Variants in MIPEP observed in about 807,000 individuals in gnomAD.
MIPEP encodes mitochondrial intermediate peptidase.
A neutral mutation model predicts 90.3 loss-of-function variants in MIPEP; 79 were observed. The ratio of observed to expected loss-of-function variants is 0.87; its 90% CI spans 0.73 to 1.05. The LOEUF is 1.05. MIPEP is among the 50% of genes least tolerant of loss of function. The pLI is 0.00. For missense variants in MIPEP, 940 were observed against 905.6 expected, an observed-to-expected ratio of 1.04 and a Z score of -0.49; for synonymous variants, 334 against 315.8, an observed-to-expected ratio of 1.06 and a Z score of -0.61.
At chr13:23,822,103 T>C (rs1953313256) in intron 14 of MIPEP, among the ~76,000 whole-genome samples, 1 of 152,188 alleles carries the variant, frequency 6.6e-6, no homozygotes, top group Admixed American at 6.5e-5. Context: ...GTAACAGTGG[T>C]ATTTCAAAAG....
chr13:23,848,070 T>C (rs909523773), intron 10 of MIPEP, among the ~76,000 whole-genome samples: 2 of 152,222 alleles, frequency 1.3e-5, no homozygotes, highest in African/African-American at 2.4e-5. Context: ...TTGAAAATAC[T>C]ATTTCTCATT....
Position 23,889,117 on chromosome 13 carries a change from T to C in MIPEP, c.189+15A>G. On this transcript the variant is annotated intron_variant, in intron 1 of 18. Transcript: ENST00000382172. ...TAGCTCGGGGACTGAGGGGAGCTCCTCCTGCGCCGCTCACCCGGCGCTCGC... is the reference window on the plus strand; with the variant it reads ...TAGCTCGGGGACTGAGGGGAGCTCCCCCTGCGCCGCTCACCCGGCGCTCGC... 1 of 1,407,808 alleles carries C rather than the reference T, an allele frequency of 7.1e-7. No individual in the cohort carries two copies. The highest frequency in any genetic ancestry group is 9.2e-7 in the Non-Finnish European group (1 of 1,084,306). The allele number at this position is 1,407,808 out of a possible 1,614,324, so 87.2% of individuals were successfully genotyped here. A position where few individuals can be genotyped will look rare whatever the true frequency, so the allele number is the denominator to read the frequency against.
intron 13 of MIPEP, 82 bp from the exon 14 acceptor site, chr13:23,836,431 T>C: frequency 1.5e-6 from 1 of 647,326 alleles, no homozygotes; most frequent in Non-Finnish European, 2.5e-6. Context: ...AAAACTTTTA[T>C]TTGTACTTCT....
intron 5 of MIPEP, among the ~76,000 whole-genome samples, chr13:23,871,478 T>C (rs766559740): frequency 1.2e-4 from 18 of 152,210 alleles, no homozygotes; most frequent in Non-Finnish European, 2.2e-4. Context: ...TTTCAGTTAC[T>C]GGTTACCAAA....
intron 10 of MIPEP, among the ~76,000 whole-genome samples, chr13:23,843,304 G>A (rs1341086517): frequency 1.3e-5 from 2 of 152,074 alleles, no homozygotes; most frequent in African/African-American, 2.4e-5. Context: ...GAAAGAATGG[G>A]AGCGGAGTCT....
chr13:23,780,690 A>G (rs1005403910), intron 16 of MIPEP, among the ~76,000 whole-genome samples: 3 of 152,214 alleles, frequency 2.0e-5, no homozygotes, highest in Admixed American at 2.0e-4. Flanking sequence ...CATTGCAAAG[A>G]AGCTAAAAAC....
intron 7 of MIPEP, among the ~76,000 whole-genome samples, chr13:23,866,148 G>A (rs1349005426): frequency 6.6e-6 from 1 of 152,072 alleles, no homozygotes; most frequent in African/African-American, 2.4e-5. Context: ...CACTGTGCAT[G>A]ACAGTTTCAT....
rs562175138 is a variant in MIPEP, at chr13:23,809,017, AGAG to A, written c.1728+830_1728+832del. Among the ~76,000 whole-genome samples the A allele has an allele frequency of 2.9e-4, 44 of 152,340 alleles. No homozygotes were observed. The East Asian group carries it at 8.1e-3, about 28-fold the overall frequency. On this transcript the variant is annotated intron_variant, in intron 15 of 18. Transcript: ENST00000382172. ...TGTTTACATAACTCTCAAGATCTGA[AGAG>A]GAGTGAGAATTCCATAACAATCTCA... is the stretch of plus-strand genomic sequence containing the variant.
rs1593177636 is a variant in MIPEP at position 23,829,694 on chromosome 13, C to T, written c.1653+6546G>A. On this transcript the variant is annotated intron_variant, in intron 14 of 18. Transcript: ENST00000382172. ...TAGTGGCACATGACTGTAGTCCCAG[C>T]TACTTGGGTGGCTGAGGCAGGAGGA... 2.0e-5 allele frequency among the ~76,000 whole-genome samples: 3 copies of T among 152,226 alleles called. 1 individual carries two copies. The highest frequency in any genetic ancestry group is 1.5e-5 in the Non-Finnish European group (1 of 68,018).
intron 17 of MIPEP, among the ~76,000 whole-genome samples, chr13:23,759,627 G>C (rs1157630622): frequency 6.6e-6 from 1 of 152,134 alleles, no homozygotes; most frequent in Non-Finnish European, 1.5e-5. Flanking sequence ...CTGGCCTTTA[G>C]AAAGAGATTG....
intron 2 of MIPEP, among the ~76,000 whole-genome samples, chr13:23,882,071 CTTT>C (rs553989994): frequency 1.1e-4 from 11 of 98,484 alleles, no homozygotes; most frequent in Non-Finnish European, 2.1e-4. Context: ...TTCTTTCTTT[CTTT>C]TTTTTTTTTT....
intron 16 of MIPEP, among the ~76,000 whole-genome samples, chr13:23,761,654 C>G (rs1362589041): frequency 6.6e-6 from 1 of 152,176 alleles, no homozygotes; most frequent in African/African-American, 2.4e-5. Flanking sequence ...AAGCACGGCA[C>G]ACGAGCTTGC....
intron 4 of MIPEP, among the ~76,000 whole-genome samples, chr13:23,876,266 A>G (rs555140542): frequency 6.6e-6 from 1 of 152,292 alleles, no homozygotes; most frequent in South Asian, 2.1e-4. Context: ...GCTTCATTCT[A>G]TCTTTCCTTA....
At chr13:23,801,681 T>A (rs999131014) in intron 16 of MIPEP, among the ~76,000 whole-genome samples, 1 of 152,254 alleles carries the variant, frequency 6.6e-6, no homozygotes, top group African/African-American at 2.4e-5. Context: ...CTGAACTTTA[T>A]ATAAATGTAC....
chr13:23,858,518 G>A (rs957004329), intron 10 of MIPEP, among the ~76,000 whole-genome samples: 10 of 147,630 alleles, frequency 6.8e-5, no homozygotes, highest in Admixed American at 4.7e-4. Flanking sequence ...ACCACGCCAT[G>A]TACCACTTTA....
chr13:23,778,316 C>T (rs1442397430), intron 16 of MIPEP, among the ~76,000 whole-genome samples: 3 of 152,138 alleles, frequency 2.0e-5, no homozygotes, highest in African/African-American at 4.8e-5. Flanking sequence ...CAAATAACTG[C>T]TTTCTTTTAT....
At chr13:23,886,565 T>A (rs1221067842) in intron 1 of MIPEP, 59 bp from the exon 2 acceptor site, 1 of 1,368,530 alleles carries the variant, frequency 7.3e-7, no homozygotes, top group African/African-American at 1.5e-5. Context: ...GCTTTTTTTA[T>A]ATTTACTAAA....
At chr13:23,775,392 T>C (rs1022183530) in intron 16 of MIPEP, among the ~76,000 whole-genome samples, 1 of 152,188 alleles carries the variant, frequency 6.6e-6, no homozygotes, top group Admixed American at 6.5e-5. Flanking sequence ...GGGCTTTTTC[T>C]AGGTGCTCTT....
intron 11 of MIPEP, among the ~76,000 whole-genome samples, 194 bp from the exon 12 acceptor site, chr13:23,839,920 G>T (rs1869222264): frequency 6.6e-6 from 1 of 152,104 alleles, no homozygotes; most frequent in South Asian, 2.1e-4. Flanking sequence ...GAATGATTTT[G>T]GTTTTGGAAT....
Sources: allele counts gnomAD v4.1 joint callset (sites outside exome capture counted in the v4.1 genomes callset), GRCh38; gene constraint gnomAD v4.1.1; transcripts MANE v1.5; gene names NCBI Gene and HGNC (gene_info 2026-07-23, HGNC 2026-07-21).